The following GMPR variants were observed in gnomAD, a reference collection of about 807,000 sequenced individuals.
The protein encoded by GMPR is guanosine monophosphate reductase, also known as GMP reductase 1.
In GMPR, 31 loss-of-function variants were observed where a neutral mutation model predicts 38.4. That is an observed-to-expected ratio of 0.81 (90% CI 0.61 to 1.09). The LOEUF is 1.09. GMPR is among the 50% of genes least tolerant of loss of function. GMPR has a pLI of 0.00. For synonymous variants in GMPR, 162 were observed against 173.3 expected, an observed-to-expected ratio of 0.93 and a Z score of 0.51; for missense variants, 468 against 453.7, an observed-to-expected ratio of 1.03 and a Z score of -0.29.
intron 4 of GMPR, among the ~76,000 whole-genome samples, chr6:16,266,488 C>T (rs571346362): frequency 2.2e-4 from 32 of 143,548 alleles, no homozygotes; most frequent in African/African-American, 7.7e-4. Flanking sequence ...AAAGGTGGCA[C>T]GTCCGACGTG....
intron 7 of GMPR, among the ~76,000 whole-genome samples, chr6:16,286,660 C>T (rs1184982544): frequency 1.3e-5 from 2 of 151,844 alleles, no homozygotes; most frequent in African/African-American, 2.4e-5. Flanking sequence ...CCTGTAATCC[C>T]AGCACTTTGG....
chr6:16,266,756 A>C (rs953614543), intron 4 of GMPR, among the ~76,000 whole-genome samples: 3 of 151,000 alleles, frequency 2.0e-5, no homozygotes, highest in South Asian at 4.2e-4. Flanking sequence ...GCTTGACGGC[A>C]CTCCGGCCTA....
At position 16,295,167 on chromosome 6, in the gene GMPR, A is replaced by C; in HGVS notation, c.1019A>C (p.His340Pro). The C allele has an allele frequency of 6.5e-7, 1 of 1,538,894 alleles. No homozygotes were observed. Among genetic ancestry groups the C allele is most frequent in the Non-Finnish European group, 8.7e-7 (1 of 1,149,980 alleles). Residue 340 changes from histidine (H) to proline (P), a missense_variant, in exon 9 of 9, where the codon CAC becomes CCC. His to Pro is a moderately conservative substitution (Grantham distance 77, BLOSUM62 -2). Transcript: ENST00000259727. ...ACATTCATCCGGGTGACCCAGCAGC[A>C]CAACACCGTGTTCAGCTAACCCTGG... is the stretch of plus-strand genomic sequence containing the variant. ...RATFIRVTQQ[H>P]NTVFS is the part of the protein sequence containing the mutation.
At chr6:16,289,285 C>T (rs1013380434) in intron 7 of GMPR, among the ~76,000 whole-genome samples, 7 of 152,196 alleles carry the variant, frequency 4.6e-5, no homozygotes, top group Non-Finnish European at 7.3e-5. Context: ...TTCTTGAAGT[C>T]AGTGAGACCA....
intron 6 of GMPR, 43 bp downstream of exon 6, chr6:16,278,933 C>A (rs1031376808): frequency 7.5e-6 from 9 of 1,196,988 alleles, no homozygotes; most frequent in Non-Finnish European, 1.1e-5. Flanking sequence ...TCTTGGGAGG[C>A]CCCTGCTCCC....
At chr6:16,274,305 C>T (rs1052681245) in intron 4 of GMPR, 110 bp from the exon 5 acceptor site, 1 of 721,802 alleles carries the variant, frequency 1.4e-6, no homozygotes, top group African/African-American at 1.8e-5. Context: ...TGTCCCCCAG[C>T]TGCCTGGTGG....
intron 5 of GMPR, 151 bp downstream of exon 5, chr6:16,274,647 T>G: frequency 1.7e-6 from 1 of 599,432 alleles, no homozygotes; most frequent in Non-Finnish European, 3.0e-6. Context: ...ATTGAGCTTC[T>G]CGGGGAAGCC....
In GMPR at chr6:16,254,677, A is replaced by G. The variant is rs1395521609; in HGVS notation, c.407A>G (p.Glu136Gly). Residue 136 changes from glutamate (E) to glycine (G), a missense_variant, in exon 4 of 9, where the codon GAA becomes GGA. Transcript: ENST00000259727. ...ICLDVANGYSEHFVEFVKLVR... is the reference protein window; with the variant it reads ...ICLDVANGYSGHFVEFVKLVR... The stretch of plus-strand genomic sequence containing the variant: ...CTGGATGTGGCCAATGGGTATTCAG[A>G]ACATTTTGTGGAATTCGTGAAACTT... 2.5e-6 allele frequency: 4 copies of G among 1,613,846 alleles called. No homozygotes were observed. The highest frequency in any genetic ancestry group is 3.4e-6 in the Non-Finnish European group (4 of 1,179,836).
At chr6:16,251,657 A>G (rs1758878086) in intron 3 of GMPR, among the ~76,000 whole-genome samples, 1 of 152,182 alleles carries the variant, frequency 6.6e-6, no homozygotes, top group African/African-American at 2.4e-5. Flanking sequence ...TAAGTCATAA[A>G]ATAGATTAGT....
chr6:16,250,163 A>C, intron 2 of GMPR, 121 bp from the exon 3 acceptor site: 2 of 703,506 alleles, frequency 2.8e-6, no homozygotes, highest in South Asian at 3.1e-5. Context: ...TTCAAAGCAA[A>C]TTAAGCATGG....
chr6:16,276,840 G>A (rs1292955788), intron 5 of GMPR, among the ~76,000 whole-genome samples: 2 of 152,198 alleles, frequency 1.3e-5, no homozygotes, highest in Non-Finnish European at 2.9e-5. Flanking sequence ...CATCAGAAAC[G>A]GATTCCCTGC....
rs891171163 is a variant in GMPR at position 16,269,502 on chromosome 6, A to G, written c.466-4913A>G. 1.0e-3 allele frequency among the ~76,000 whole-genome samples: 152 copies of G among 152,210 alleles called. 11 individuals carry two copies. Among genetic ancestry groups the G allele is most frequent in the Non-Finnish European group, 2.9e-5 (2 of 68,042 alleles). Reference sequence around the variant, plus strand: ...ATAAACTGAATAGCTTATATTATAAAAATCAGAAGTTGGCCTGGTGTGGTG... The same window carrying G: ...ATAAACTGAATAGCTTATATTATAAGAATCAGAAGTTGGCCTGGTGTGGTG... On this transcript the variant is annotated intron_variant, in intron 4 of 8. Coordinates refer to ENST00000259727, the MANE Select transcript of GMPR (RefSeq NM_006877.4).
At chr6:16,284,153 A>T (rs538028463) in intron 6 of GMPR, among the ~76,000 whole-genome samples, 2 of 152,334 alleles carry the variant, frequency 1.3e-5, no homozygotes, top group African/African-American at 4.8e-5. Flanking sequence ...TGATTGAGGA[A>T]ATAACTGTGG....
At chr6:16,239,730 G>T (rs1758610069) in intron 1 of GMPR, among the ~76,000 whole-genome samples, 3 of 152,242 alleles carry the variant, frequency 2.0e-5, no homozygotes, top group South Asian at 2.1e-4. Flanking sequence ...CCTCAGCAAA[G>T]AAGTCCGCTG....
intron 7 of GMPR, among the ~76,000 whole-genome samples, chr6:16,288,017 C>T (rs1225810685): frequency 6.6e-6 from 1 of 152,248 alleles, no homozygotes; most frequent in African/African-American, 2.4e-5. Context: ...TACATCTGCG[C>T]CCTGCTACTG....
chr6:16,294,901 G>A, intron 8 of GMPR, 105 bp from the exon 9 acceptor site: 1 of 845,642 alleles, frequency 1.2e-6, no homozygotes, highest in African/African-American at 1.7e-5. Flanking sequence ...GGTTTTCTGA[G>A]TGCCTTGGGG....
chr6:16,278,158 C>T (rs903046338), intron 5 of GMPR, among the ~76,000 whole-genome samples: 1 of 152,010 alleles, frequency 6.6e-6, no homozygotes, highest in South Asian at 2.1e-4. Context: ...GATGGACAAA[C>T]AGCTGGGCCC....
chr6:16,250,339 T>C lies in GMPR; in HGVS notation c.263T>C (p.Phe88Ser). ...KHYSLDDWKL[F>S]ATNHPECLQN... ...TACTCCCTGGATGACTGGAAGCTCT[T>C]TGCCACAAATCACCCAGAATGCCTG... The change falls in exon 3 of 9, where the codon TTT becomes TCT. Residue 88 changes from phenylalanine (F) to serine (S), a missense_variant. Physicochemically the swap from Phe to Ser is radical, Grantham distance 155. Coordinates refer to ENST00000259727, the MANE Select transcript of GMPR (RefSeq NM_006877.4). 6.2e-7 allele frequency: 1 copy of C among 1,609,410 alleles called. No individual in the cohort carries two copies. The highest frequency in any genetic ancestry group is 8.5e-7 in the Non-Finnish European group (1 of 1,175,670).
intron 3 of GMPR, 54 bp from the exon 4 acceptor site, chr6:16,254,508 C>A (rs1758935008): frequency 2.7e-6 from 4 of 1,484,806 alleles, no homozygotes; most frequent in Non-Finnish European, 3.8e-6. Flanking sequence ...GGGGCAGGGT[C>A]TGATGTCTGA....
Sources: gnomAD v4.1 joint callset for allele counts (sites outside exome capture counted in the v4.1 genomes callset) on GRCh38, gnomAD v4.1.1 for gene constraint, MANE v1.5 for transcripts, NCBI Gene and HGNC (gene_info 2026-07-23, HGNC 2026-07-21) for gene names.